TOX: variants seen among roughly 807,000 people sequenced by gnomAD.
The protein encoded by TOX is thymocyte selection-associated high mobility group box protein TOX.
A neutral mutation model predicts 53.7 loss-of-function variants in TOX; 11 were observed. That is an observed-to-expected ratio of 0.20 (90% CI 0.13 to 0.34). TOX has a LOEUF of 0.34. Among genes scored for constraint, TOX ranks in the 10% least tolerant of loss-of-function variants. TOX has a pLI of 1.00. For missense variants in TOX, 570 were observed against 664.6 expected, an observed-to-expected ratio of 0.86 and a Z score of 1.56; for synonymous variants, 225 against 245.3, an observed-to-expected ratio of 0.92 and a Z score of 0.77.
intron 3 of TOX, among the ~76,000 whole-genome samples, chr8:58,929,319 C>A (rs531318705): frequency 1.3e-4 from 20 of 152,048 alleles, no homozygotes; most frequent in African/African-American, 4.6e-4. Flanking sequence ...ATGACTGTAA[C>A]AAATGGTCAA....
chr8:59,094,799 C>T (rs1433362419), intron 1 of TOX, among the ~76,000 whole-genome samples: 1 of 151,986 alleles, frequency 6.6e-6, no homozygotes, highest in Non-Finnish European at 1.5e-5. Context: ...TATCTAAGCC[C>T]CCAAGGAGGT....
intron 3 of TOX, among the ~76,000 whole-genome samples, chr8:58,865,361 T>C (rs936192385): frequency 5.3e-5 from 8 of 152,186 alleles, no homozygotes; most frequent in African/African-American, 1.9e-4. Flanking sequence ...ACAATTTTGG[T>C]AAAATGTCCA....
intron 1 of TOX, among the ~76,000 whole-genome samples, chr8:59,098,555 A>G (rs16924600): frequency 0.098 from 14,942 of 152,034 alleles, 955 homozygotes; most frequent in Middle Eastern, 0.2. Flanking sequence ...AAGCCTGCAC[A>G]CTCTCCACTT....
In TOX at chr8:59,078,411, A is replaced by C. The variant is rs147328171; in HGVS notation, c.102+40475T>G. Among the ~76,000 whole-genome samples the C allele has an allele frequency of 4.3e-3, 655 of 152,284 alleles. 5 individuals carry two copies. The highest frequency in any genetic ancestry group is 0.015 in the African/African-American group (616 of 41,546). On this transcript the variant is annotated intron_variant, in intron 1 of 8. Transcript: ENST00000361421. ...CATGGCTTGGTGCTGTCTTTGTGAC[A>C]GTGAGTTATCACAAGATCTTGTCAT...
chr8:59,026,714 A>G (rs184575421), intron 1 of TOX, among the ~76,000 whole-genome samples: 139 of 152,236 alleles, frequency 9.1e-4, no homozygotes, highest in African/African-American at 3.0e-3. Flanking sequence ...CTATCATTTA[A>G]CTTCTTAAAG....
At chr8:59,086,762 T>A (rs1804515876) in intron 1 of TOX, among the ~76,000 whole-genome samples, 1 of 152,212 alleles carries the variant, frequency 6.6e-6, no homozygotes, top group South Asian at 2.1e-4. Flanking sequence ...AATAATGTGC[T>A]TCTATTCAAT....
intron 3 of TOX, among the ~76,000 whole-genome samples, chr8:58,875,437 C>G (rs567261389): frequency 2.0e-5 from 3 of 152,126 alleles, no homozygotes; most frequent in East Asian, 3.9e-4. Context: ...TGCATTTTCT[C>G]TCTGTCATTA....
At chr8:58,927,348 T>C (rs572616097) in intron 3 of TOX, among the ~76,000 whole-genome samples, 50 of 152,274 alleles carry the variant, frequency 3.3e-4, no homozygotes, top group Middle Eastern at 3.4e-3. Flanking sequence ...AAAGGCTCAA[T>C]TGAGGTTTCC....
chr8:59,111,218 G>A (rs910560329), intron 1 of TOX, among the ~76,000 whole-genome samples: 4 of 152,108 alleles, frequency 2.6e-5, no homozygotes, highest in South Asian at 2.1e-4. Context: ...TAGACTTAAC[G>A]GCACTTGGTT....
At position 58,970,580 on chromosome 8, in the gene TOX, C is replaced by T. The variant is rs569015146; in HGVS notation, c.103-10572G>A. Among the ~76,000 whole-genome samples, 9 of 152,256 alleles carry T rather than the reference C, an allele frequency of 5.9e-5. 1 individual carries two copies. Among genetic ancestry groups the T allele is most frequent in the Middle Eastern group, 6.8e-3 (2 of 294 alleles). On this transcript the variant is annotated intron_variant, in intron 1 of 8. Coordinates refer to ENST00000361421, the MANE Select transcript of TOX (RefSeq NM_014729.3). ...CCTGACCTCATGGATGATTGAGGTGCCTTCTCTGTGCCTATGTCTGTGCTT... is the reference window on the plus strand; with the variant it reads ...CCTGACCTCATGGATGATTGAGGTGTCTTCTCTGTGCCTATGTCTGTGCTT...
chr8:58,894,004 G>T (rs1188529134), intron 3 of TOX, among the ~76,000 whole-genome samples: 2 of 152,174 alleles, frequency 1.3e-5, no homozygotes, highest in African/African-American at 4.8e-5. Context: ...CTTTTTAACT[G>T]AATATAAAAA....
chr8:59,074,420 A>G (rs73256328), intron 1 of TOX, among the ~76,000 whole-genome samples: 1,748 of 152,332 alleles, frequency 0.011, 48 homozygotes, highest in African/African-American at 0.04. Context: ...TTGAATGAAC[A>G]TCTATAAGCA....
At chr8:58,861,756 C>T (rs1284386820) in intron 3 of TOX, among the ~76,000 whole-genome samples, 1 of 152,136 alleles carries the variant, frequency 6.6e-6, no homozygotes, top group Non-Finnish European at 1.5e-5. Context: ...CTTCTTCACA[C>T]CATATTTAAA....
intron 2 of TOX, among the ~76,000 whole-genome samples, chr8:58,958,965 C>A (rs1812754375): frequency 1.3e-5 from 2 of 152,158 alleles, no homozygotes; most frequent in Non-Finnish European, 2.9e-5. Flanking sequence ...AAGTTTTATG[C>A]TCCCTCCCAA....
At chr8:59,000,047 T>C (rs1011176326) in intron 1 of TOX, among the ~76,000 whole-genome samples, 2 of 152,208 alleles carry the variant, frequency 1.3e-5, no homozygotes, top group Non-Finnish European at 2.9e-5. Flanking sequence ...ATGCTAGTAG[T>C]AATATGCATT....
intron 3 of TOX, among the ~76,000 whole-genome samples, chr8:58,863,603 T>C (rs1455064577): frequency 6.6e-6 from 1 of 152,204 alleles, no homozygotes; most frequent in Non-Finnish European, 1.5e-5. Flanking sequence ...ACTCAGTGTA[T>C]GATCTGATGA....
chr8:59,061,832 T>C (rs1033880557), intron 1 of TOX, among the ~76,000 whole-genome samples: 12 of 152,072 alleles, frequency 7.9e-5, no homozygotes, highest in Admixed American at 3.3e-4. Flanking sequence ...CGTGCGCCCA[T>C]GCCCAGCCCC....
chr8:58,988,561 A>ACAAG (rs1813380455), intron 1 of TOX, among the ~76,000 whole-genome samples: 1 of 152,250 alleles, frequency 6.6e-6, no homozygotes, highest in Non-Finnish European at 1.5e-5. Flanking sequence ...ACATTTGTTA[A>ACAAG]TCAAGATGGG....
chr8:58,829,711 C>G (rs1810421659), intron 5 of TOX, among the ~76,000 whole-genome samples: 1 of 152,050 alleles, frequency 6.6e-6, no homozygotes, highest in African/African-American at 2.4e-5. Context: ...TAAAATTGGA[C>G]AAGGATGTTG....
Sources: gnomAD v4.1 joint callset for allele counts (sites outside exome capture counted in the v4.1 genomes callset) on GRCh38, gnomAD v4.1.1 for gene constraint, MANE v1.5 for transcripts, NCBI Gene and HGNC (gene_info 2026-07-23, HGNC 2026-07-21) for gene names.